The following FOXO1 variants were observed in gnomAD, a reference collection of about 807,000 sequenced individuals.
FOXO1 encodes forkhead box protein O1.
In FOXO1, 6 loss-of-function variants were observed where a neutral mutation model predicts 44.1. The ratio of observed to expected loss-of-function variants is 0.14; its 90% CI spans 0.07 to 0.27. The LOEUF (loss-of-function observed/expected upper bound fraction) is 0.27, where lower values mean the gene tolerates loss of function less well. Among genes scored for constraint, FOXO1 ranks in the 10% least tolerant of loss-of-function variants. The probability of loss-of-function intolerance (pLI) is 1.00; values close to 1 mark genes in which losing one functional copy is unlikely to be tolerated. For synonymous variants in FOXO1, 380 were observed against 362.7 expected (o/e 1.05, Z -0.54); for missense variants, 737 against 888.8 (o/e 0.83, Z 2.17).
chr13:40,588,685 A>G (rs1875262216), intron 1 of FOXO1, among the ~76,000 whole-genome samples: 2 of 152,218 alleles, frequency 1.3e-5, no homozygotes, highest in South Asian at 4.1e-4. Context: ...CCTAATGAAC[A>G]ACCCTCAACC....
intron 1 of FOXO1, among the ~76,000 whole-genome samples, chr13:40,607,061 C>T (rs1876025236): frequency 6.6e-6 from 1 of 152,204 alleles, no homozygotes; most frequent in Non-Finnish European, 1.5e-5. Flanking sequence ...TCTCTATAAG[C>T]CCGCACATCT....
chr13:40,624,527 A>G (rs1566078753), intron 1 of FOXO1, among the ~76,000 whole-genome samples: 2 of 152,204 alleles, frequency 1.3e-5, no homozygotes, highest in Non-Finnish European at 2.9e-5. Flanking sequence ...TGATAAGAAC[A>G]GCACTCTGAC....
At chr13:40,663,195 G>C (rs576920398) in intron 1 of FOXO1, among the ~76,000 whole-genome samples, 36 of 152,222 alleles carry the variant, frequency 2.4e-4, no homozygotes, top group Admixed American at 9.2e-4. Context: ...AGGTCTCCTA[G>C]CTCTGGCAAA....
chr13:40,656,013 A>G (rs1053010460), intron 1 of FOXO1, among the ~76,000 whole-genome samples: 1 of 152,134 alleles, frequency 6.6e-6, no homozygotes, highest in Non-Finnish European at 1.5e-5. Flanking sequence ...CTGATGTGCC[A>G]CAATGCCATT....
intron 1 of FOXO1, among the ~76,000 whole-genome samples, chr13:40,604,424 T>C (rs1452540374): frequency 6.6e-6 from 1 of 151,332 alleles, no homozygotes; most frequent in Non-Finnish European, 1.5e-5. Flanking sequence ...GAATAAACCA[T>C]ATGATCTGTA....
At position 40,654,515 on chromosome 13, in the gene FOXO1, A is replaced by G. The variant is rs1041775420; in HGVS notation, c.630+11068T>C. On this transcript the variant is annotated intron_variant, in intron 1 of 2. Coordinates refer to ENST00000379561, the MANE Select transcript of FOXO1 (RefSeq NM_002015.4). ...GACTCTGTCACAAAAAAAAAAAAAA[A>G]GAAGAAAAAGAAAAAGACAAACATC... Among the ~76,000 whole-genome samples the G allele has an allele frequency of 5.6e-5, 8 of 143,662 alleles. No individual in the cohort carries two copies. The East Asian group carries it at 1.5e-3, about 27-fold the overall frequency. The allele number at this position is 143,662 out of a possible 152,430, so 94.2% of individuals were successfully genotyped here.
chr13:40,584,073 G>A (rs781436889), intron 1 of FOXO1, among the ~76,000 whole-genome samples: 13 of 152,292 alleles, frequency 8.5e-5, no homozygotes, highest in Non-Finnish European at 1.9e-4. Flanking sequence ...GAACCCTGAA[G>A]AGGGGGAGAC....
chr13:40,583,363 C>A (rs1409239852), intron 1 of FOXO1, among the ~76,000 whole-genome samples: 1 of 152,154 alleles, frequency 6.6e-6, no homozygotes, highest in Non-Finnish European at 1.5e-5. Context: ...CTGCATTACC[C>A]CCCTAATAAG....
At chr13:40,619,628 G>T (rs983423068) in intron 1 of FOXO1, 35 of 1,542,856 alleles carry the variant, frequency 2.3e-5, no homozygotes, top group Non-Finnish European at 2.9e-5. Context: ...CCTGTGGCTA[G>T]GCGAACAAGA....
At chr13:40,637,307 G>A (rs1282470558) in intron 1 of FOXO1, among the ~76,000 whole-genome samples, 1 of 152,056 alleles carries the variant, frequency 6.6e-6, no homozygotes, top group Admixed American at 6.6e-5. Flanking sequence ...AGCCGGGCAT[G>A]GTGACACGTG....
chr13:40,629,394 G>A (rs1308306795), intron 1 of FOXO1, among the ~76,000 whole-genome samples: 3 of 152,232 alleles, frequency 2.0e-5, no homozygotes, highest in South Asian at 4.2e-4. Flanking sequence ...TGCCCGCCTC[G>A]GCCTCCCAAG....
chr13:40,644,605 T>C (rs1329283963), intron 1 of FOXO1, among the ~76,000 whole-genome samples: 1 of 152,204 alleles, frequency 6.6e-6, no homozygotes. Flanking sequence ...AAAGTGTTTT[T>C]CAGGAGCTTA....
Position 40,666,367 on chromosome 13 carries a change from G to C in FOXO1, c.-155C>G, listed in dbSNP as rs1327699783. Reference sequence around the variant, plus strand: ...ACGGAAACTGGGAGGAAGGCGCGGCGGAGTGGAAGCGCGAGCCCAGAACTT... The same window carrying C: ...ACGGAAACTGGGAGGAAGGCGCGGCCGAGTGGAAGCGCGAGCCCAGAACTT... On this transcript the variant is annotated 5_prime_UTR_variant, in exon 1 of 3. Coordinates refer to ENST00000379561, the MANE Select transcript of FOXO1 (RefSeq NM_002015.4). 1 of 551,734 alleles carries C rather than the reference G, an allele frequency of 1.8e-6. No homozygotes were observed. Among genetic ancestry groups the C allele is most frequent in the African/African-American group, 2.0e-5 (1 of 50,518 alleles). The allele number at this position is 551,734 out of a possible 1,614,324, so 34.2% of individuals were successfully genotyped here.
chr13:40,594,925 G>C (rs986063440), intron 1 of FOXO1, among the ~76,000 whole-genome samples: 5 of 152,068 alleles, frequency 3.3e-5, no homozygotes, highest in African/African-American at 1.2e-4. Context: ...GGGCTCAAGC[G>C]ACCCTCCTAC....
intron 1 of FOXO1, among the ~76,000 whole-genome samples, chr13:40,651,700 C>T (rs1388598332): frequency 1.3e-5 from 2 of 150,926 alleles, no homozygotes; most frequent in Non-Finnish European, 2.9e-5. Flanking sequence ...CATAAATATA[C>T]ATCTAAATAT....
chr13:40,602,383 TAA>T (rs1875842815), intron 1 of FOXO1, among the ~76,000 whole-genome samples: 2 of 152,328 alleles, frequency 1.3e-5, no homozygotes, highest in East Asian at 1.9e-4. Context: ...AGAAAATGTT[TAA>T]AGTCTTTTCT....
At position 40,665,796 on chromosome 13, in the gene FOXO1, G is replaced by C; in HGVS notation, c.417C>G (p.Pro139=). 1 of 1,241,580 alleles carries C rather than the reference G, an allele frequency of 8.1e-7. No individual in the cohort carries two copies. The highest frequency in any genetic ancestry group is 1.0e-6 in the Non-Finnish European group (1 of 986,446). 76.9% of individuals were successfully genotyped at this position (1,241,580 alleles called of 1,614,324 possible). A position where few individuals can be genotyped will look rare whatever the true frequency, so the allele number is the denominator to read the frequency against. ...GPLSQHPPVP[P]AAAGPLAGQP... ...GCCCCGCGAGCGGCCCAGCGGCGGC[G>C]GGGGGCACCGGCGGGTGCTGCGACA... The change falls in exon 1 of 3, where the codon CCC becomes CCG. Residue 139 remains proline (P), a synonymous_variant. Coordinates refer to ENST00000379561, the MANE Select transcript of FOXO1 (RefSeq NM_002015.4).
In FOXO1 at chr13:40,557,415, T is replaced by G. The variant is rs1873798628; in HGVS notation, c.*1634A>C. 6.6e-6 allele frequency: 1 copy of G among 152,238 alleles called. No homozygotes were observed. The highest frequency in any genetic ancestry group is 2.4e-5 in the African/African-American group (1 of 41,468). The allele number at this position is 152,238 out of a possible 1,614,324, so 9.4% of individuals were successfully genotyped here. On this transcript the variant is annotated 3_prime_UTR_variant, in exon 3 of 3. Coordinates refer to ENST00000379561, the MANE Select transcript of FOXO1 (RefSeq NM_002015.4). Reference sequence around the variant, plus strand: ...GCTACAGGCTAAAGAAATTTTCAAATTCTTAAGCCAAGGCTTTTAACATAA... The same window carrying G: ...GCTACAGGCTAAAGAAATTTTCAAAGTCTTAAGCCAAGGCTTTTAACATAA...
chr13:40,617,850 C>A (rs112457861), intron 1 of FOXO1, among the ~76,000 whole-genome samples: 2 of 152,234 alleles, frequency 1.3e-5, no homozygotes, highest in African/African-American at 4.8e-5. Context: ...TGTAATACAA[C>A]AAATGAGATG....
Sources: allele counts gnomAD v4.1 joint callset (sites outside exome capture counted in the v4.1 genomes callset), GRCh38; gene constraint gnomAD v4.1.1; transcripts MANE v1.5; gene names NCBI Gene and HGNC (gene_info 2026-07-23, HGNC 2026-07-21).